NRXN1: variants seen among roughly 807,000 people sequenced by gnomAD.
NRXN1 encodes neurexin 1, also known as neurexin-1.
Under a neutral mutation model 150.9 loss-of-function variants are expected in NRXN1, and 39 were observed. The ratio of observed to expected loss-of-function variants is 0.26; its 90% CI spans 0.20 to 0.34. The LOEUF is 0.34. Among genes scored for constraint, NRXN1 ranks in the 10% least tolerant of loss-of-function variants. The pLI is 1.00. For missense variants in NRXN1, 1,815 were observed against 1,949.9 expected, an observed-to-expected ratio of 0.93 and a Z score of 1.30; for synonymous variants, 924 against 757.0, an observed-to-expected ratio of 1.22 and a Z score of -3.62.
rs199673715 is a variant in NRXN1 at position 50,921,861 on chromosome 2, T to C, written c.832+8A>G. 37 of 1,341,604 alleles carry C rather than the reference T, an allele frequency of 2.8e-5. No individual in the cohort carries two copies. The East Asian group carries it at 9.4e-4, about 34-fold the overall frequency. 83.1% of individuals were successfully genotyped at this position (1,341,604 alleles called of 1,614,324 possible). A position where few individuals can be genotyped will look rare whatever the true frequency, so the allele number is the denominator to read the frequency against. On this transcript the variant is annotated splice_region_variant and intron_variant, in intron 5 of 22. Coordinates refer to ENST00000401669, the MANE Select transcript of NRXN1 (RefSeq NM_001330078.2). Reference sequence around the variant, plus strand: ...ATGATATTAAGAAGAAATAAAATAATGTAATACCTTTACTTTTACCTATGG... The same window carrying C: ...ATGATATTAAGAAGAAATAAAATAACGTAATACCTTTACTTTTACCTATGG...
intron 5 of NRXN1, chr2:50,656,327 T>A: frequency 1.3e-6 from 1 of 757,758 alleles, no homozygotes; most frequent in South Asian, 1.4e-5. Flanking sequence ...AAGTAACACT[T>A]ATAATTCTAT....
rs576430302 is a variant in NRXN1 at position 50,004,473 on chromosome 2, G to A, written c.4128+48798C>T. On this transcript the variant is annotated intron_variant, in intron 21 of 22. Coordinates refer to ENST00000401669, the MANE Select transcript of NRXN1 (RefSeq NM_001330078.2). ...GCATTTTATTTTCTGTTTAGTGGTT[G>A]CTGTAGTTTTCTTGAGTCTTCTCCC... 2.0e-5 allele frequency among the ~76,000 whole-genome samples: 3 copies of A among 152,152 alleles called. No individual in the cohort carries two copies. The East Asian group carries it at 5.8e-4, about 29-fold the overall frequency.
intron 5 of NRXN1, among the ~76,000 whole-genome samples, chr2:50,899,054 A>G (rs1272855175): frequency 1.3e-5 from 2 of 152,178 alleles, no homozygotes; most frequent in Non-Finnish European, 2.9e-5. Context: ...TGTATTTTCC[A>G]TGGAGCATTT....
intron 5 of NRXN1, among the ~76,000 whole-genome samples, chr2:50,816,241 G>A (rs889034971): frequency 3.3e-5 from 5 of 151,958 alleles, no homozygotes; most frequent in African/African-American, 9.7e-5. Flanking sequence ...ATTGATGAAC[G>A]CTTTGGGAGG....
In NRXN1 at chr2:51,028,200, G is replaced by A; in HGVS notation, c.74C>T (p.Ala25Val). Reference sequence around the variant, plus strand: ...AAACTCCAGCCCGCTGCCCAGCTCCGCCCAGCAGCCCAGGAGCAGCAGCGA... The same window carrying A: ...AAACTCCAGCCCGCTGCCCAGCTCCACCCAGCAGCCCAGGAGCAGCAGCGA... ...CLSLLLLGCW[A>V]ELGSGLEFPG... Residue 25 changes from alanine to valine, a missense_variant, in exon 2 of 23, where the codon GCG (alanine) becomes GTG (valine). Physicochemically the swap from Ala to Val is moderately conservative, Grantham distance 64 (BLOSUM62 0). Transcript: ENST00000401669. 1.3e-6 allele frequency: 2 copies of A among 1,490,238 alleles called. No individual in the cohort carries two copies. Among genetic ancestry groups the A allele is most frequent in the East Asian group, 2.4e-5 (1 of 42,162 alleles). The allele number at this position is 1,490,238 out of a possible 1,614,324, so 92.3% of individuals were successfully genotyped here.
At chr2:50,687,248 T>G (rs1691372892) in intron 5 of NRXN1, among the ~76,000 whole-genome samples, 1 of 152,206 alleles carries the variant, frequency 6.6e-6, no homozygotes, top group Admixed American at 6.5e-5. Flanking sequence ...TAACTGAATT[T>G]TCTCTGTACC....
intron 2 of NRXN1, among the ~76,000 whole-genome samples, chr2:50,976,892 T>C (rs1325506065): frequency 6.6e-6 from 1 of 152,052 alleles, no homozygotes; most frequent in Non-Finnish European, 1.5e-5. Context: ...AAAGAATTCA[T>C]GATTCCGTTA....
At chr2:50,227,448 G>A (rs971044608) in intron 18 of NRXN1, among the ~76,000 whole-genome samples, 1 of 151,966 alleles carries the variant, frequency 6.6e-6, no homozygotes, top group Non-Finnish European at 1.5e-5. Flanking sequence ...AGCAGTGGGA[G>A]AAAATGGGTG....
At chr2:50,321,490 C>G (rs1373154787) in intron 17 of NRXN1, among the ~76,000 whole-genome samples, 2 of 152,084 alleles carry the variant, frequency 1.3e-5, no homozygotes, top group Non-Finnish European at 2.9e-5. Context: ...TACCTTTGAA[C>G]TTTAAAGAGT....
Position 50,266,002 on chromosome 2 carries a change from ATTTTTT to A in NRXN1, c.3365-29038_3365-29033del, listed in dbSNP as rs747310591. On this transcript the variant is annotated intron_variant, in intron 17 of 22. Transcript: ENST00000401669. ...ATTATTATTATTATTATTATTATTT[ATTTTTT>A]TTTTTTTTGAGATAGAGTCTCACTC... is the stretch of plus-strand genomic sequence containing the variant. Among the ~76,000 whole-genome samples, 274 of 84,670 alleles carry A rather than the reference ATTTTTT, an allele frequency of 3.2e-3. 1 individual carries two copies. Among genetic ancestry groups the A allele is most frequent in the Middle Eastern group, 0.02 (3 of 148 alleles). The allele number at this position is 84,670 out of a possible 152,430, so 55.5% of individuals were successfully genotyped here.
intron 21 of NRXN1, among the ~76,000 whole-genome samples, chr2:50,017,622 C>T (rs1686865966): frequency 6.7e-6 from 1 of 149,560 alleles, no homozygotes; most frequent in East Asian, 2.0e-4. Flanking sequence ...TTCAGTGGAG[C>T]TGTTTTTCTT....
chr2:50,051,021 T>A (rs1459208783), intron 21 of NRXN1, among the ~76,000 whole-genome samples: 1 of 151,996 alleles, frequency 6.6e-6, no homozygotes, highest in African/African-American at 2.4e-5. Flanking sequence ...CAATATCTCC[T>A]CAAATGAACC....
At chr2:50,446,674 A>G (rs2086442286) in intron 17 of NRXN1, among the ~76,000 whole-genome samples, 1 of 151,402 alleles carries the variant, frequency 6.6e-6, no homozygotes, top group South Asian at 2.1e-4. Flanking sequence ...TCCTAAACCC[A>G]TAGCAAATAC....
intron 18 of NRXN1, among the ~76,000 whole-genome samples, chr2:50,101,014 T>A (rs939239314): frequency 6.6e-6 from 1 of 152,116 alleles, no homozygotes; most frequent in Non-Finnish European, 1.5e-5. Context: ...GGTTGCTGTA[T>A]GAAAATCTCA....
intron 18 of NRXN1, among the ~76,000 whole-genome samples, chr2:50,127,406 T>G (rs552906446): frequency 3.3e-5 from 5 of 152,268 alleles, no homozygotes; most frequent in Admixed American, 1.3e-4. Context: ...TGAAAAAGTA[T>G]AGGTTTTCTT....
At chr2:50,076,325 G>C (rs1292647602) in intron 19 of NRXN1, among the ~76,000 whole-genome samples, 1 of 152,144 alleles carries the variant, frequency 6.6e-6, no homozygotes, top group African/African-American at 2.4e-5. Context: ...GGGGAGGTTA[G>C]TGACTATTGC....
At chr2:50,106,359 C>T (rs1701642323) in intron 18 of NRXN1, among the ~76,000 whole-genome samples, 1 of 151,896 alleles carries the variant, frequency 6.6e-6, no homozygotes, top group Non-Finnish European at 1.5e-5. Context: ...ACCAGTGCTG[C>T]CCTGAAAAAT....
chr2:50,409,135 C>A (rs2082969719), intron 17 of NRXN1, among the ~76,000 whole-genome samples: 1 of 152,074 alleles, frequency 6.6e-6, no homozygotes, highest in African/African-American at 2.4e-5. Flanking sequence ...TCCATGTGGT[C>A]CCCAAATGCT....
At chr2:50,575,667 T>G (rs1411963299) in intron 8 of NRXN1, among the ~76,000 whole-genome samples, 2 of 152,216 alleles carry the variant, frequency 1.3e-5, no homozygotes, top group African/African-American at 4.8e-5. Flanking sequence ...TTTTTCAGAT[T>G]GGCTAAAATA....
Sources: gnomAD v4.1 joint callset for allele counts (sites outside exome capture counted in the v4.1 genomes callset) on GRCh38, gnomAD v4.1.1 for gene constraint, MANE v1.5 for transcripts, NCBI Gene and HGNC (gene_info 2026-07-23, HGNC 2026-07-21) for gene names.